The following KDM5A variants were observed in gnomAD, a reference collection of about 807,000 sequenced individuals.
KDM5A encodes lysine demethylase 5A, also known as lysine-specific demethylase 5A.
KDM5A carries 42 observed loss-of-function variants against 193.5 expected under a neutral mutation model. The ratio of observed to expected loss-of-function variants is 0.22; its 90% CI spans 0.17 to 0.28. The LOEUF (loss-of-function observed/expected upper bound fraction) is 0.28. Ranked by LOEUF, KDM5A falls within the 10% of genes least tolerant of loss-of-function variation. KDM5A has a pLI of 1.00. For missense variants in KDM5A, 1,692 were observed against 2,055.1 expected, an observed-to-expected ratio of 0.82 and a Z score of 3.42; for synonymous variants, 796 against 718.1, an observed-to-expected ratio of 1.11 and a Z score of -1.73.
At chr12:364,646 G>A (rs369898250) in intron 4 of KDM5A, among the ~76,000 whole-genome samples, 2 of 151,488 alleles carry the variant, frequency 1.3e-5, no homozygotes, top group African/African-American at 2.4e-5. Flanking sequence ...TTCTGTGGGC[G>A]TGGTGGTGGG....
At chr12:287,645 G>A (rs1409807178) in intron 27 of KDM5A, among the ~76,000 whole-genome samples, 1 of 151,158 alleles carries the variant, frequency 6.6e-6, no homozygotes, top group East Asian at 1.9e-4. Context: ...AAGGGAACTG[G>A]ATAGATAAAC....
chr12:305,140 C>G (rs978708564), intron 24 of KDM5A, among the ~76,000 whole-genome samples: 5 of 152,162 alleles, frequency 3.3e-5, no homozygotes, highest in Non-Finnish European at 7.3e-5. Context: ...TATTCAAGAA[C>G]TGTACGCAAC....
intron 24 of KDM5A, among the ~76,000 whole-genome samples, chr12:305,969 G>GTTTTTTT (rs3038312): frequency 6.4e-4 from 67 of 104,202 alleles, no homozygotes; most frequent in African/African-American, 1.3e-3. Flanking sequence ...CAATGGAAGT[G>GTTTTTTT]TTTTTTTTTT....
chr12:353,336 T>G (rs1166033860), intron 8 of KDM5A, among the ~76,000 whole-genome samples: 2 of 152,010 alleles, frequency 1.3e-5, no homozygotes, highest in Admixed American at 1.3e-4. Context: ...CTCAAAAAAG[T>G]AAATAAATAA....
At chr12:350,097 T>C (rs1944135506) in intron 10 of KDM5A, among the ~76,000 whole-genome samples, 1 of 149,770 alleles carries the variant, frequency 6.7e-6, no homozygotes, top group Non-Finnish European at 1.5e-5. Context: ...CACTACACTC[T>C]AGCAGGGGCG....
rs774507274 is a variant in KDM5A, at chr12:295,638, G to A, written c.4390C>T (p.His1464Tyr). ...LLEVSLDETQ[H>Y]IWRILQATHP... is the part of the protein sequence containing the mutation. Reference sequence around the variant, plus strand: ...GTGGCCTGCAAAATCCGCCATATGTGTTGAGTCTCGTCCAGAGATACTTCC... The same window carrying A: ...GTGGCCTGCAAAATCCGCCATATGTATTGAGTCTCGTCCAGAGATACTTCC... The change falls in exon 26 of 28, where the codon CAC becomes TAC. Residue 1464 changes from histidine (H) to tyrosine (Y), a missense_variant. Around this residue, in one of 11 missense-constraint regions of KDM5A, gnomAD observed 965 missense variants for 1,061.0 expected, o/e 0.91. Coordinates refer to ENST00000399788, the MANE Select transcript of KDM5A (RefSeq NM_001042603.3). The A allele has an allele frequency of 3.1e-6, 5 of 1,614,136 alleles. No individual in the cohort carries two copies. In the South Asian group the frequency reaches 5.5e-5, roughly 18 times the overall value.
chr12:365,904 A>C, intron 4 of KDM5A, 30 bp downstream of exon 4: 1 of 1,610,140 alleles, frequency 6.2e-7, no homozygotes, highest in Non-Finnish European at 8.5e-7. Flanking sequence ...GGATTTATCA[A>C]CTTTTTCTAA....
intron 13 of KDM5A, among the ~76,000 whole-genome samples, chr12:330,066 T>C (rs1412003486): frequency 3.3e-5 from 4 of 122,578 alleles, no homozygotes; most frequent in Admixed American, 1.5e-4. Context: ...TGTGTGTGTG[T>C]GTGTGTGTGT....
chr12:358,896 G>A (rs573759386), intron 5 of KDM5A, among the ~76,000 whole-genome samples: 40 of 152,022 alleles, frequency 2.6e-4, no homozygotes, highest in African/African-American at 8.4e-4. Context: ...GCTTGAACCC[G>A]GAAGGCAGAC....
chr12:329,626 G>A (rs1335893122), intron 13 of KDM5A, among the ~76,000 whole-genome samples: 1 of 151,952 alleles, frequency 6.6e-6, no homozygotes, highest in African/African-American at 2.4e-5. Flanking sequence ...TTAAAAACAA[G>A]TCTGGCAGAA....
chr12:352,963 A>G (rs1206405130), intron 8 of KDM5A, among the ~76,000 whole-genome samples: 1 of 152,244 alleles, frequency 6.6e-6, no homozygotes, highest in African/African-American at 2.4e-5. Flanking sequence ...ATAAGTAAAC[A>G]GACAAGGCAT....
At position 358,954 on chromosome 12, in the gene KDM5A, G is replaced by A. The variant is rs578210944; in HGVS notation, c.673-2417C>T. Among the ~76,000 whole-genome samples, 15 of 151,276 alleles carry A rather than the reference G, an allele frequency of 9.9e-5. No individual in the cohort carries two copies. The East Asian group carries it at 2.5e-3, about 25-fold the overall frequency. ...CCACTGCACTCCAGCCTGGGCGACA[G>A]AGCAAGACTCCATCTCAAAAAAATA... On this transcript the variant is annotated intron_variant, in intron 5 of 27. Transcript: ENST00000399788.
intron 5 of KDM5A, among the ~76,000 whole-genome samples, chr12:359,718 G>C (rs1301007560): frequency 6.8e-6 from 1 of 146,644 alleles, no homozygotes; most frequent in Non-Finnish European, 1.5e-5. Context: ...CTCCAGCCTG[G>C]GTGACAGAGC....
chr12:307,149 A>G lies in KDM5A; in HGVS notation c.3931-60T>C, dbSNP rs1943518118. On this transcript the variant is annotated intron_variant, in intron 23 of 27. Coordinates refer to ENST00000399788, the MANE Select transcript of KDM5A (RefSeq NM_001042603.3). This position sits in a 1 kb window ranked among gnomAD's most constrained non-coding sequence, Gnocchi z 4.3. ...ACATGCTAAACAGACAGGGTAATTA[A>G]TGTGTGCTTAAGATCACCAAAATGT... 1.9e-6 allele frequency: 3 copies of G among 1,598,788 alleles called. No individual in the cohort carries two copies. Among genetic ancestry groups the G allele is most frequent in the Non-Finnish European group, 2.6e-6 (3 of 1,167,358 alleles).
chr12:363,249 G>A, intron 4 of KDM5A, 152 bp from the exon 5 acceptor site: 1 of 842,514 alleles, frequency 1.2e-6, no homozygotes, highest in South Asian at 1.6e-5. Flanking sequence ...CCAAAATCCT[G>A]GCAGGCTTTT....
In KDM5A at chr12:364,779, C is replaced by CAA. The variant is rs61342800; in HGVS notation, c.537+1153_537+1154dup. On this transcript the variant is annotated intron_variant, in intron 4 of 27. Transcript: ENST00000399788. ...CAGCCTGGGCGACGGAGTCTCATCT[C>CAA]AAAAAAAAAAAAAAAAACAAACAAA... 8.4e-3 allele frequency among the ~76,000 whole-genome samples: 928 copies of CAA among 110,894 alleles called. 16 individuals are homozygous for CAA. Among genetic ancestry groups the CAA allele is most frequent in the East Asian group, 0.046 (165 of 3,574 alleles). 72.8% of individuals were successfully genotyped at this position (110,894 alleles called of 152,430 possible). A position where few individuals can be genotyped will look rare whatever the true frequency, so the allele number is the denominator to read the frequency against.
At chr12:336,699 A>G (rs1943937948) in intron 10 of KDM5A, among the ~76,000 whole-genome samples, 1 of 151,714 alleles carries the variant, frequency 6.6e-6, no homozygotes. Context: ...AAATCAGCCA[A>G]GCGTGGTGGT....
At chr12:370,802 T>C (rs1944418521) in intron 3 of KDM5A, among the ~76,000 whole-genome samples, 2 of 152,222 alleles carry the variant, frequency 1.3e-5, no homozygotes, top group African/African-American at 4.8e-5. Context: ...TGTGTGATGT[T>C]CACCTTCCTG....
intron 3 of KDM5A, among the ~76,000 whole-genome samples, chr12:380,110 A>T (rs1291774855): frequency 2.0e-5 from 3 of 152,118 alleles, no homozygotes; most frequent in African/African-American, 7.2e-5. Context: ...TCTACTAAAA[A>T]TACAAACATT....
Sources: gnomAD v4.1 joint callset for allele counts (sites outside exome capture counted in the v4.1 genomes callset) on GRCh38, gnomAD v4.1.1 for gene constraint, gnomAD v4.1.1 regional missense constraint, Gnocchi (gnomAD v3.1) non-coding constraint, MANE v1.5 for transcripts, NCBI Gene and HGNC (gene_info 2026-07-23, HGNC 2026-07-21) for gene names.